CASP4: variants seen among roughly 807,000 people sequenced by gnomAD.
CASP4 encodes the protein caspase 4, also known as caspase-4.
CASP4 carries 29 observed loss-of-function variants against 41.3 expected under a neutral mutation model. The observed-to-expected ratio is 0.70, with a 90% confidence interval of 0.52 to 0.96. The LOEUF (loss-of-function observed/expected upper bound fraction) is 0.96. Among genes scored for constraint, CASP4 ranks in the 40% least tolerant of loss-of-function variants. The probability of loss-of-function intolerance (pLI) is 0.00; values close to 1 mark genes in which losing one functional copy is unlikely to be tolerated. For missense variants in CASP4, 447 were observed against 460.6 expected, an observed-to-expected ratio of 0.97 and a Z score of 0.27; for synonymous variants, 185 against 158.4, an observed-to-expected ratio of 1.17 and a Z score of -1.26.
At chr11:104,959,866 A>C (rs1026115007) in intron 1 of CASP4, among the ~76,000 whole-genome samples, 1 of 152,178 alleles carries the variant, frequency 6.6e-6, no homozygotes, top group Non-Finnish European at 1.5e-5. Context: ...TCTCAATTCT[A>C]ATTGTTCATT....
chr11:104,952,603 G>A (rs745935720), intron 2 of CASP4, among the ~76,000 whole-genome samples: 5 of 151,952 alleles, frequency 3.3e-5, no homozygotes, highest in Admixed American at 6.6e-5. Context: ...TGGAGTAATC[G>A]TCCCCTCCTA....
intron 2 of CASP4, among the ~76,000 whole-genome samples, chr11:104,952,378 T>G (rs1466721093): frequency 2.0e-5 from 3 of 152,172 alleles, no homozygotes; most frequent in African/African-American, 2.4e-5. Flanking sequence ...AGTAAATAGT[T>G]GTCAGAACAC....
chr11:104,945,196 C>G (rs1303548271), intron 7 of CASP4, among the ~76,000 whole-genome samples: 1 of 151,990 alleles, frequency 6.6e-6, no homozygotes, highest in Non-Finnish European at 1.5e-5. Flanking sequence ...ACTTTCAACA[C>G]TCACCAAGGC....
At chr11:104,958,347 C>T (rs1223836313) in intron 1 of CASP4, among the ~76,000 whole-genome samples, 7 of 151,990 alleles carry the variant, frequency 4.6e-5, no homozygotes, top group Non-Finnish European at 2.9e-5. Flanking sequence ...AAGAGATAAT[C>T]AACAGTATGG....
At chr11:104,966,155 CCT>C (rs1860970529) in intron 1 of CASP4, among the ~76,000 whole-genome samples, 2 of 152,310 alleles carry the variant, frequency 1.3e-5, no homozygotes, top group South Asian at 4.1e-4. Flanking sequence ...TTGCAATTCC[CCT>C]GTCTTGATAA....
At chr11:104,958,203 G>A (rs1860778096) in intron 1 of CASP4, among the ~76,000 whole-genome samples, 1 of 152,180 alleles carries the variant, frequency 6.6e-6, no homozygotes, top group African/African-American at 2.4e-5. Flanking sequence ...GAGGGGAACA[G>A]CTTCATAACA....
At chr11:104,956,379 T>C (rs1427820518) in intron 1 of CASP4, among the ~76,000 whole-genome samples, 1 of 152,112 alleles carries the variant, frequency 6.6e-6, no homozygotes, top group Non-Finnish European at 1.5e-5. Flanking sequence ...ATAGTTAATA[T>C]TCATTGAGCC....
intron 8 of CASP4, 158 bp from the exon 9 acceptor site, chr11:104,943,131 C>A (rs957970848): frequency 8.4e-6 from 3 of 358,638 alleles, no homozygotes; most frequent in African/African-American, 6.4e-5. Context: ...AAAATGTGAT[C>A]TTTGTAAAAC....
intron 2 of CASP4, 102 bp downstream of exon 2, chr11:104,954,645 G>A (rs1045900052): frequency 7.4e-6 from 8 of 1,081,296 alleles, no homozygotes; most frequent in African/African-American, 3.2e-5. Context: ...TGATAGTTTA[G>A]GAAGGGAAAG....
chr11:104,945,514 C>A (rs1860436577), intron 7 of CASP4, among the ~76,000 whole-genome samples: 1 of 152,122 alleles, frequency 6.6e-6, no homozygotes, highest in Non-Finnish European at 1.5e-5. Context: ...CCTCTGCCTC[C>A]CAAAGTGCTG....
intron 1 of CASP4, among the ~76,000 whole-genome samples, chr11:104,958,988 G>C (rs958202126): frequency 2.0e-5 from 2 of 101,692 alleles, no homozygotes; most frequent in African/African-American, 3.5e-5. Flanking sequence ...AAAAAAAAAA[G>C]AGTAAATTAG....
chr11:104,957,067 A>G (rs1309764521), intron 1 of CASP4, among the ~76,000 whole-genome samples: 1 of 152,150 alleles, frequency 6.6e-6, no homozygotes, highest in South Asian at 2.1e-4. Flanking sequence ...GCAATTCGCC[A>G]ACAAAAAGAA....
chr11:104,950,879 T>A (rs2134639941), intron 4 of CASP4, 46 bp downstream of exon 4: 1 of 1,567,526 alleles, frequency 6.4e-7, no homozygotes, highest in East Asian at 2.3e-5. Flanking sequence ...ATTAGAAGGA[T>A]GTGTCTTGAA....
chr11:104,946,875 T>A (rs1591125194), intron 7 of CASP4: 1 of 433,046 alleles, frequency 2.3e-6, no homozygotes. Context: ...AAGCTTATGG[T>A]TGATATTATT....
chr11:104,944,706 C>A (rs1565362484), intron 8 of CASP4, 42 bp downstream of exon 8: 1 of 1,264,750 alleles, frequency 7.9e-7, no homozygotes, highest in South Asian at 1.2e-5. Flanking sequence ...ATATCACTCT[C>A]TTATTTATTT....
At chr11:104,959,866 A>G (rs1026115007) in intron 1 of CASP4, among the ~76,000 whole-genome samples, 1 of 152,178 alleles carries the variant, frequency 6.6e-6, no homozygotes, top group African/African-American at 2.4e-5. Flanking sequence ...TCTCAATTCT[A>G]ATTGTTCATT....
At chr11:104,944,375 TG>T in intron 8 of CASP4, 1 of 171,340 alleles carries the variant, frequency 5.8e-6, no homozygotes, top group Non-Finnish European at 1.3e-5. Context: ...TCTCTGTGTG[TG>T]TGTGTGTGTG....
Position 104,951,067 on chromosome 11 carries a change from G to A in CASP4, c.404C>T (p.Thr135Ile), listed in dbSNP as rs1298950524. The A allele has an allele frequency of 2.5e-6, 4 of 1,613,194 alleles. No individual in the cohort carries two copies. The highest frequency in any genetic ancestry group is 2.2e-5 in the East Asian group (1 of 44,872). Residue 135 changes from threonine to isoleucine, a missense_variant, in exon 4 of 9, where the codon ACA becomes ATA. Thr to Ile is a moderately conservative substitution (Grantham distance 89, BLOSUM62 -1). Coordinates refer to ENST00000444739, the MANE Select transcript of CASP4 (RefSeq NM_001225.4). ...IYPIKERNNR[T>I]RLALIICNTE... ...ATTGCATATGATGAGAGCCAGGCGT[G>A]TGCGGTTGTTTCTCTCCTTTATTGG...
intron 1 of CASP4, among the ~76,000 whole-genome samples, chr11:104,962,329 CT>C (rs1860879137): frequency 6.6e-6 from 1 of 152,080 alleles, no homozygotes; most frequent in East Asian, 1.9e-4. Context: ...GGTTTCTGGT[CT>C]CTCTCTCTTT....
Sources: gnomAD v4.1 joint callset for allele counts (sites outside exome capture counted in the v4.1 genomes callset) on GRCh38, gnomAD v4.1.1 for gene constraint, MANE v1.5 for transcripts, NCBI Gene and HGNC (gene_info 2026-07-23, HGNC 2026-07-21) for gene names.